Variants in PDE5A observed in about 807,000 individuals in gnomAD.
PDE5A encodes cGMP-specific 3',5'-cyclic phosphodiesterase.
PDE5A carries 67 observed loss-of-function variants against 110.2 expected under a neutral mutation model. That is an observed-to-expected ratio of 0.61 (90% CI 0.50 to 0.75). The LOEUF (loss-of-function observed/expected upper bound fraction) is 0.75, where lower values mean the gene tolerates loss of function less well. Ranked by LOEUF, PDE5A falls within the 30% of genes least tolerant of loss-of-function variation. PDE5A has a pLI of 0.00. For missense variants in PDE5A, 862 were observed against 1,045.1 expected (o/e 0.82, Z 2.42); for synonymous variants, 328 against 351.2 (o/e 0.93, Z 0.74).
At position 119,539,062 on chromosome 4, in the gene PDE5A, T is replaced by G. The variant is rs1485219034; in HGVS notation, c.1573-43A>C. On this transcript the variant is annotated intron_variant, in intron 10 of 20. Transcript: ENST00000354960. Reference sequence around the variant, plus strand: ...AAGTCCAGGTTACACAGGAGAGAACTACCACATGTAGACTAGAACTTCAAG... The same window carrying G: ...AAGTCCAGGTTACACAGGAGAGAACGACCACATGTAGACTAGAACTTCAAG... 2.1e-6 allele frequency: 3 copies of G among 1,411,750 alleles called. No homozygotes were observed. In the East Asian group the frequency reaches 6.8e-5, roughly 32 times the overall value. The allele number at this position is 1,411,750 out of a possible 1,614,324, so 87.5% of individuals were successfully genotyped here. A position where few individuals can be genotyped will look rare whatever the true frequency, so the allele number is the denominator to read the frequency against.
At chr4:119,565,875 G>A (rs1049748235) in intron 4 of PDE5A, among the ~76,000 whole-genome samples, 2 of 150,646 alleles carry the variant, frequency 1.3e-5, no homozygotes, top group Admixed American at 6.6e-5. Context: ...TTTTTAACAT[G>A]GATCTATCAT....
intron 12 of PDE5A, among the ~76,000 whole-genome samples, chr4:119,523,214 T>C (rs1422225323): frequency 1.3e-5 from 2 of 151,886 alleles, no homozygotes; most frequent in African/African-American, 2.4e-5. Context: ...CAGGGAGGAA[T>C]GAGATGTAAA....
chr4:119,608,915 A>G (rs1282128810), intron 1 of PDE5A, among the ~76,000 whole-genome samples: 1 of 152,134 alleles, frequency 6.6e-6, no homozygotes, highest in Non-Finnish European at 1.5e-5. Flanking sequence ...TAATCCCAGC[A>G]CTTTGGGAGG....
chr4:119,627,252 CAGGTGAGGTG>C lies in PDE5A; in HGVS notation c.152+1258_152+1267del. On this transcript the variant is annotated intron_variant, in intron 1 of 20. Coordinates refer to ENST00000354960, the MANE Select transcript of PDE5A (RefSeq NM_001083.4). The surrounding 1 kb of genome is among the most constrained non-coding windows in gnomAD (Gnocchi z 4.6). ...GGCTCCGTAGGGGCAACAACGCGCG[CAGGTGAGGTG>C]AGGTGAGGTCGGCGACTCAGAACCA... 3 of 1,602,740 alleles carry C rather than the reference CAGGTGAGGTG, an allele frequency of 1.9e-6. No individual in the cohort carries two copies. Among genetic ancestry groups the C allele is most frequent in the Non-Finnish European group, 2.6e-6 (3 of 1,174,144 alleles).
chr4:119,617,430 T>C (rs1729981340), intron 1 of PDE5A, among the ~76,000 whole-genome samples: 1 of 152,182 alleles, frequency 6.6e-6, no homozygotes, highest in South Asian at 2.1e-4. Flanking sequence ...GCAATAACTT[T>C]ACTTTCTACC....
At chr4:119,591,058 G>A (rs1728946214) in intron 3 of PDE5A, among the ~76,000 whole-genome samples, 1 of 152,184 alleles carries the variant, frequency 6.6e-6, no homozygotes, top group Admixed American at 6.5e-5. Context: ...AGGAAAAATA[G>A]AGAAAAACAT....
chr4:119,507,838 T>G, intron 15 of PDE5A, 134 bp from the exon 16 acceptor site: 1 of 623,908 alleles, frequency 1.6e-6, no homozygotes, highest in South Asian at 1.9e-5. Flanking sequence ...TTAAATACCA[T>G]GAAATAAAGT....
At chr4:119,596,857 T>C (rs781279072) in intron 2 of PDE5A, among the ~76,000 whole-genome samples, 1 of 152,028 alleles carries the variant, frequency 6.6e-6, no homozygotes, top group Admixed American at 6.6e-5. Flanking sequence ...CTCGAACAAA[T>C]GTTCAGAAAT....
chr4:119,515,101 C>T (rs2110465050), intron 14 of PDE5A, among the ~76,000 whole-genome samples: 1 of 152,272 alleles, frequency 6.6e-6, no homozygotes, highest in South Asian at 2.1e-4. Context: ...AAAGTTTTAG[C>T]TTCTATTATT....
intron 2 of PDE5A, among the ~76,000 whole-genome samples, chr4:119,602,650 T>C (rs751295964): frequency 2.6e-5 from 4 of 152,246 alleles, no homozygotes; most frequent in Non-Finnish European, 5.9e-5. Context: ...AAAATTCATC[T>C]GGAAATAATC....
At chr4:119,502,041 G>T (rs1379556107) in intron 19 of PDE5A, among the ~76,000 whole-genome samples, 1 of 152,038 alleles carries the variant, frequency 6.6e-6, no homozygotes, top group African/African-American at 2.4e-5. Context: ...GAGAAAACTG[G>T]GGAGACTGTG....
intron 7 of PDE5A, among the ~76,000 whole-genome samples, chr4:119,555,894 A>C (rs1042384162): frequency 6.6e-6 from 1 of 152,200 alleles, no homozygotes; most frequent in South Asian, 2.1e-4. Context: ...GTTACATGAT[A>C]CTATGTTTGT....
Position 119,567,054 on chromosome 4 carries a change from C to A in PDE5A, c.903+19G>T, listed in dbSNP as rs1227468779. The stretch of plus-strand genomic sequence containing the variant: ...AGCATCTTCCTAAATTGGCTCATGT[C>A]TGACACAAGTTTTGGTACCTTTTCA... On this transcript the variant is annotated intron_variant, in intron 4 of 20. Coordinates refer to ENST00000354960, the MANE Select transcript of PDE5A (RefSeq NM_001083.4). The A allele has an allele frequency of 1.9e-6, 3 of 1,584,038 alleles. No homozygotes were observed. The Admixed American group carries it at 5.0e-5, about 26-fold the overall frequency.
chr4:119,558,409 A>T (rs1042334059), intron 7 of PDE5A, among the ~76,000 whole-genome samples: 1 of 152,202 alleles, frequency 6.6e-6, no homozygotes. Context: ...TGATTTGCTT[A>T]CTGCTAACAT....
At chr4:119,579,937 G>A (rs1054943381) in intron 3 of PDE5A, among the ~76,000 whole-genome samples, 6 of 152,150 alleles carry the variant, frequency 3.9e-5, no homozygotes, top group African/African-American at 1.4e-4. Flanking sequence ...TGAAAGTGGA[G>A]GCCCATGTGC....
At chr4:119,593,247 C>T (rs1440998413) in intron 3 of PDE5A, among the ~76,000 whole-genome samples, 1 of 152,140 alleles carries the variant, frequency 6.6e-6, no homozygotes, top group Non-Finnish European at 1.5e-5. Flanking sequence ...GATGTGAAAG[C>T]ATAAGTCCAC....
At chr4:119,574,193 T>TTC (rs939139010) in intron 3 of PDE5A, among the ~76,000 whole-genome samples, 1 of 143,868 alleles carries the variant, frequency 7.0e-6, no homozygotes, top group Non-Finnish European at 1.5e-5. Context: ...TTTTTTTTTT[T>TTC]TTTTTTTGAG....
At chr4:119,575,054 G>C (rs552133797) in intron 3 of PDE5A, among the ~76,000 whole-genome samples, 2 of 152,318 alleles carry the variant, frequency 1.3e-5, no homozygotes, top group South Asian at 4.1e-4. Context: ...AGCCTCAGTA[G>C]CCGATTCGAT....
rs1354435180 is a variant in PDE5A, at chr4:119,565,310, AT to A, written c.993+10del. On this transcript the variant is annotated intron_variant, in intron 5 of 20. Transcript: ENST00000354960. ...GTATTTCTATGCACTTTCTTTAGTA[AT>A]CAGACTGACCTGATTTCTCTTGTTC... 1 of 1,578,534 alleles carries A rather than the reference AT, an allele frequency of 6.3e-7. No homozygotes were observed. The highest frequency in any genetic ancestry group is 1.3e-5 in the African/African-American group (1 of 74,114).
Sources: gnomAD v4.1 joint callset for allele counts (sites outside exome capture counted in the v4.1 genomes callset) on GRCh38, gnomAD v4.1.1 for gene constraint, Gnocchi (gnomAD v3.1) non-coding constraint, MANE v1.5 for transcripts, NCBI Gene and HGNC (gene_info 2026-07-23, HGNC 2026-07-21) for gene names.